The following NAV3 variants were observed in gnomAD, a reference collection of about 807,000 sequenced individuals.
The protein encoded by NAV3 is pore membrane and/or filament interacting like protein 1.
NAV3 carries 87 observed loss-of-function variants against 244.7 expected under a neutral mutation model. That is an observed-to-expected ratio of 0.36 (90% CI 0.30 to 0.42). The LOEUF is 0.42. NAV3 is among the 20% of genes least tolerant of loss of function. The probability of loss-of-function intolerance (pLI) is 1.00; values close to 1 mark genes in which losing one functional copy is unlikely to be tolerated. For missense variants in NAV3, 2,663 were observed against 2,893.3 expected (o/e 0.92, Z 1.83); for synonymous variants, 1,126 against 1,042.2 (o/e 1.08, Z -1.55).
intron 2 of NAV3, among the ~76,000 whole-genome samples, chr12:77,630,887 A>C (rs546889532): frequency 6.6e-6 from 1 of 152,338 alleles, no homozygotes; most frequent in East Asian, 1.9e-4. Context: ...GTACATTAAA[A>C]ACTATAGAGT....
chr12:77,878,801 G>A (rs1020971776), intron 1 of NAV3, among the ~76,000 whole-genome samples: 2 of 149,492 alleles, frequency 1.3e-5, no homozygotes, highest in Non-Finnish European at 3.0e-5. Context: ...TTTTTTTAGC[G>A]TTCCCATCGT....
At chr12:77,756,292 C>G (rs1428790454) in intron 2 of NAV3, among the ~76,000 whole-genome samples, 1 of 152,078 alleles carries the variant, frequency 6.6e-6, no homozygotes, top group African/African-American at 2.4e-5. Flanking sequence ...CATAAATAAG[C>G]TTTAGCCTAT....
chr12:77,636,815 A>T (rs1289510492), intron 2 of NAV3, among the ~76,000 whole-genome samples: 1 of 152,188 alleles, frequency 6.6e-6, no homozygotes, highest in Non-Finnish European at 1.5e-5. Flanking sequence ...CAGCCATGAA[A>T]AAGAATGAGT....
intron 18 of NAV3, among the ~76,000 whole-genome samples, chr12:78,135,749 T>C (rs1593735243): frequency 1.3e-5 from 2 of 152,150 alleles, no homozygotes; most frequent in Non-Finnish European, 2.9e-5. Context: ...ACCGAAATGG[T>C]ACTAATGGTC....
At chr12:78,017,789 G>A (rs143369830) in intron 8 of NAV3, among the ~76,000 whole-genome samples, 75 of 152,216 alleles carry the variant, frequency 4.9e-4, no homozygotes, top group African/African-American at 1.8e-3. Flanking sequence ...TACAAATCAT[G>A]CATAAAAATA....
At chr12:77,996,965 A>G (rs940043696) in intron 6 of NAV3, among the ~76,000 whole-genome samples, 4 of 152,152 alleles carry the variant, frequency 2.6e-5, no homozygotes, top group Non-Finnish European at 5.9e-5. Context: ...GTTCTTGGCC[A>G]GACACGGTGG....
At chr12:77,663,546 A>C (rs1324259484) in intron 2 of NAV3, among the ~76,000 whole-genome samples, 2 of 142,668 alleles carry the variant, frequency 1.4e-5, no homozygotes, top group Non-Finnish European at 3.0e-5. Flanking sequence ...TTTGAGACAG[A>C]GTTTTGCTCT....
In NAV3 at chr12:77,636,160, C is replaced by T. The variant is rs182997979; in HGVS notation, c.72+63894C>T. Among the ~76,000 whole-genome samples the T allele has an allele frequency of 1.3e-4, 20 of 152,084 alleles. No individual in the cohort carries two copies. In the East Asian group the frequency reaches 3.5e-3, roughly 27 times the overall value. The stretch of plus-strand genomic sequence containing the variant: ...TACCATCTCACGCCAGTTAGAATGG[C>T]GATCATTAAAAAGTCAGGAAACAGG... On this transcript the variant is annotated intron_variant, in intron 2 of 8. Transcript: ENST00000550042.
At chr12:77,911,835 T>G (rs1365726867) in intron 1 of NAV3, among the ~76,000 whole-genome samples, 1 of 152,058 alleles carries the variant, frequency 6.6e-6, no homozygotes, top group Non-Finnish European at 1.5e-5. Context: ...CCACGCTAAT[T>G]AGAAATATTC....
At chr12:77,981,642 T>G (rs1207182966) in intron 5 of NAV3, among the ~76,000 whole-genome samples, 1 of 152,040 alleles carries the variant, frequency 6.6e-6, no homozygotes, top group Non-Finnish European at 1.5e-5. Context: ...CAAGCCATTT[T>G]CAGTGAATTT....
chr12:77,730,103 C>T (rs901159348), intron 2 of NAV3, among the ~76,000 whole-genome samples: 10 of 152,008 alleles, frequency 6.6e-5, no homozygotes, highest in African/African-American at 2.4e-4. Context: ...ACACAAACCT[C>T]ACTCTCTACT....
intron 15 of NAV3, 127 bp downstream of exon 15, chr12:78,120,072 T>C: frequency 1.9e-6 from 1 of 529,400 alleles, no homozygotes; most frequent in Non-Finnish European, 2.8e-6. Flanking sequence ...ATCTTAGAAT[T>C]CTTTAAAGTA....
Position 78,102,420 on chromosome 12 carries a change from G to C in NAV3, c.2637-14352G>C, listed in dbSNP as rs139421486. On this transcript the variant is annotated intron_variant, in intron 12 of 39. Transcript: ENST00000397909. ...AGCTCTGCCCCTGTGGCTTTGCAGG[G>C]TATAGCACCCCTCCCAGCTGCTTTC... Among the ~76,000 whole-genome samples the C allele has an allele frequency of 2.0e-4, 30 of 152,320 alleles. 2 individuals are homozygous for C. In the East Asian group the frequency reaches 3.9e-3, roughly 20 times the overall value.
intron 12 of NAV3, among the ~76,000 whole-genome samples, chr12:78,107,846 A>T (rs1035180320): frequency 6.6e-6 from 1 of 152,156 alleles, no homozygotes; most frequent in African/African-American, 2.4e-5. Context: ...GGAGGTATCA[A>T]ATGTTACCAC....
chr12:77,624,576 A>C (rs1871530241), intron 2 of NAV3, among the ~76,000 whole-genome samples: 1 of 152,074 alleles, frequency 6.6e-6, no homozygotes, highest in South Asian at 2.1e-4. Context: ...GACTTGGACC[A>C]AGCAGTGGAC....
chr12:77,983,050 G>A (rs7980847), intron 5 of NAV3, among the ~76,000 whole-genome samples: 56,800 of 152,030 alleles, frequency 0.37, 11,405 homozygotes, highest in Non-Finnish European at 0.44. Flanking sequence ...AATTGTCATA[G>A]CATATAATGA....
At chr12:77,797,764 G>C (rs1201730341) in intron 2 of NAV3, among the ~76,000 whole-genome samples, 1 of 151,286 alleles carries the variant, frequency 6.6e-6, no homozygotes, top group Non-Finnish European at 1.5e-5. Flanking sequence ...TTGCTTGAAC[G>C]TGAGGCAGAG....
intron 2 of NAV3, among the ~76,000 whole-genome samples, chr12:77,635,341 T>G (rs1462097369): frequency 6.6e-6 from 1 of 152,134 alleles, no homozygotes; most frequent in East Asian, 1.9e-4. Context: ...ACTACAAACA[T>G]GTGCCACAGT....
chr12:77,727,683 T>G (rs1318930087), intron 2 of NAV3, among the ~76,000 whole-genome samples: 1 of 151,908 alleles, frequency 6.6e-6, no homozygotes, highest in African/African-American at 2.4e-5. Context: ...GTTCTAAAAA[T>G]TTTACACTTA....
Sources: gnomAD v4.1 joint callset for allele counts (sites outside exome capture counted in the v4.1 genomes callset) on GRCh38, gnomAD v4.1.1 for gene constraint, MANE v1.5 for transcripts, NCBI Gene and HGNC (gene_info 2026-07-23, HGNC 2026-07-21) for gene names.